COL18A1: variants seen among roughly 807,000 people sequenced by gnomAD.
The protein encoded by COL18A1 is collagen type XVIII alpha 1 chain.
COL18A1 carries 133 observed loss-of-function variants against 168.0 expected under a neutral mutation model. The ratio of observed to expected loss-of-function variants is 0.79; its 90% CI spans 0.69 to 0.91. COL18A1 has a LOEUF of 0.91. Ranked by LOEUF, COL18A1 falls within the 40% of genes least tolerant of loss-of-function variation. The pLI is 0.00. For missense variants in COL18A1, 2,126 were observed against 1,925.4 expected (o/e 1.10, Z -1.95); for synonymous variants, 949 against 809.0 (o/e 1.17, Z -2.94).
intron 29 of COL18A1, chr21:45,495,635 CAT>C (rs2146003871): frequency 1.0e-5 from 6 of 587,460 alleles, no homozygotes; most frequent in East Asian, 3.0e-5. Flanking sequence ...CATGCATGCA[CAT>C]ATATGGCCGT....
chr21:45,455,061 G>A lies in COL18A1; in HGVS notation c.107-13181G>A, dbSNP rs539335718. Reference sequence around the variant, plus strand: ...ACTGCAGCAAGCTGAGCATTTTTTCGGTTCCAAGTTTCCCACAACACAATG... The same window carrying A: ...ACTGCAGCAAGCTGAGCATTTTTTCAGTTCCAAGTTTCCCACAACACAATG... On this transcript the variant is annotated intron_variant, in intron 2 of 41. Transcript: ENST00000651438. 2.6e-5 allele frequency among the ~76,000 whole-genome samples: 4 copies of A among 152,322 alleles called. No homozygotes were observed. In the South Asian group the frequency reaches 6.2e-4, roughly 24 times the overall value.
At chr21:45,505,486 G>C in intron 36 of COL18A1, 55 bp downstream of exon 36, 1 of 907,908 alleles carries the variant, frequency 1.1e-6, no homozygotes, top group Non-Finnish European at 1.8e-6. Flanking sequence ...GGCTGGTTCT[G>C]CAGCCCCTGC....
chr21:45,499,221 T>A (rs1000100726), intron 32 of COL18A1, among the ~76,000 whole-genome samples: 1 of 152,150 alleles, frequency 6.6e-6, no homozygotes. Context: ...AGAACGAGGA[T>A]GACATGCAGG....
intron 30 of COL18A1, among the ~76,000 whole-genome samples, chr21:45,496,826 C>T (rs1246859278): frequency 6.6e-6 from 1 of 152,236 alleles, no homozygotes; most frequent in South Asian, 2.1e-4. Context: ...GGGGCACCCC[C>T]ATTTTCCCAG....
chr21:45,448,726 C>G (rs1044045221), intron 2 of COL18A1, among the ~76,000 whole-genome samples: 1 of 152,238 alleles, frequency 6.6e-6, no homozygotes, highest in Non-Finnish European at 1.5e-5. Context: ...GTGAACAGGT[C>G]GTCTTCAGAT....
chr21:45,503,778 A>T (rs1333353702), intron 32 of COL18A1, among the ~76,000 whole-genome samples: 4 of 152,190 alleles, frequency 2.6e-5, no homozygotes, highest in African/African-American at 7.2e-5. Flanking sequence ...CTAAAACTTA[A>T]AGTATAATAA....
intron 2 of COL18A1, among the ~76,000 whole-genome samples, chr21:45,459,620 C>G (rs941058228): frequency 1.3e-5 from 2 of 152,210 alleles, no homozygotes; most frequent in African/African-American, 2.4e-5. Context: ...GGAGGGTGAA[C>G]CCTGTGGTCA....
intron 2 of COL18A1, among the ~76,000 whole-genome samples, chr21:45,412,988 G>A (rs1397856676): frequency 1.3e-5 from 2 of 152,194 alleles, no homozygotes; most frequent in African/African-American, 4.8e-5. Context: ...TCCGTGTCTT[G>A]GTCTCTAATC....
chr21:45,479,693 C>T (rs80185311), intron 9 of COL18A1, among the ~76,000 whole-genome samples: 27 of 152,236 alleles, frequency 1.8e-4, no homozygotes, highest in South Asian at 4.1e-4. Flanking sequence ...GGATGCTGCC[C>T]GCAGCTTCCC....
At position 45,473,749 on chromosome 21, in the gene COL18A1, C is replaced by T. The variant is rs1037125446; in HGVS notation, c.652-146C>T. The stretch of plus-strand genomic sequence containing the variant: ...TCTTCCTACCATGAGGCATACCGCA[C>T]CCCCAGGGAGGCTGCCCGAGACCCC... On this transcript the variant is annotated intron_variant, in intron 3 of 41. Coordinates refer to ENST00000651438, the MANE Select transcript of COL18A1 (RefSeq NM_001379500.1). This position sits in a 1 kb window ranked among gnomAD's most constrained non-coding sequence, Gnocchi z 4.0. 5.5e-6 allele frequency: 4 copies of T among 722,346 alleles called. No individual in the cohort carries two copies. In the Admixed American group the frequency reaches 8.1e-5, roughly 15 times the overall value. 44.7% of individuals were successfully genotyped at this position (722,346 alleles called of 1,614,324 possible).
intron 9 of COL18A1, 138 bp from the exon 10 acceptor site, chr21:45,479,764 G>A (rs9979601): frequency 7.5e-5 from 94 of 1,257,680 alleles, no homozygotes; most frequent in African/African-American, 6.2e-4. Flanking sequence ...TGGCGCCCTC[G>A]TACTTTCCGG....
intron 1 of COL18A1, 24 bp downstream of exon 1, chr21:45,405,265 G>C (rs1257010405): frequency 4.1e-6 from 2 of 489,192 alleles, no homozygotes; most frequent in East Asian, 4.0e-5. Context: ...TGCGGGCAGG[G>C]GTTGGGGGAC....
At chr21:45,500,378 G>A (rs1268074478) in intron 32 of COL18A1, among the ~76,000 whole-genome samples, 1 of 136,872 alleles carries the variant, frequency 7.3e-6, no homozygotes, top group Non-Finnish European at 1.6e-5. Context: ...TGAGGGGGTG[G>A]GGGTGTGTGG....
chr21:45,461,108 A>G (rs758511515), intron 2 of COL18A1, among the ~76,000 whole-genome samples: 3 of 152,204 alleles, frequency 2.0e-5, no homozygotes, highest in Non-Finnish European at 4.4e-5. Flanking sequence ...GCCATATGCG[A>G]TACAGTATTC....
chr21:45,477,422 C>G lies in COL18A1; in HGVS notation c.940C>G (p.Pro314Ala), dbSNP rs1407798036. The change falls in exon 7 of 42, where the codon CCT becomes GCT. Residue 314 changes from proline (P) to alanine (A), a missense_variant. Pro to Ala is a conservative substitution (Grantham distance 27). Coordinates refer to ENST00000651438, the MANE Select transcript of COL18A1 (RefSeq NM_001379500.1). ...GCTTCTCTTCCCAGCTCAGACACTTCCTGGCTCAGATTCTGTCTCCACGTG... is the reference window on the plus strand; with the variant it reads ...GCTTCTCTTCCCAGCTCAGACACTTGCTGGCTCAGATTCTGTCTCCACGTG... ...TVASLGAQTL[P>A]GSDSVSTWDG... is the part of the protein sequence containing the mutation. The G allele has an allele frequency of 6.2e-7, 1 of 1,612,958 alleles. No homozygotes were observed. The highest frequency in any genetic ancestry group is 8.5e-7 in the Non-Finnish European group (1 of 1,179,590).
intron 2 of COL18A1, among the ~76,000 whole-genome samples, chr21:45,450,235 G>T (rs2034591061): frequency 6.6e-6 from 1 of 152,180 alleles, no homozygotes; most frequent in Non-Finnish European, 1.5e-5. Context: ...GACATTCTGG[G>T]CTCGGGCGAG....
chr21:45,487,030 G>C (rs1219861187), intron 16 of COL18A1, 38 bp downstream of exon 16: 3 of 1,482,142 alleles, frequency 2.0e-6, no homozygotes, highest in Admixed American at 4.8e-5. Flanking sequence ...GGAGAGCCGG[G>C]GGCTGCCGTT....
rs116416605 is a variant in COL18A1 at position 45,507,348 on chromosome 21, G to A, written c.3217-213G>A. On this transcript the variant is annotated intron_variant, in intron 37 of 41. Coordinates refer to ENST00000651438, the MANE Select transcript of COL18A1 (RefSeq NM_001379500.1). ...CTGGCAGGGCCGGGTGCTGGGCAGG[G>A]AGGGCACCCTGCTGTGGACTGGGAG... 72,542 of 622,028 alleles carry A rather than the reference G, an allele frequency of 0.12. 4,393 individuals carry two copies. Among genetic ancestry groups the A allele is most frequent in the Admixed American group, 0.16 (6,559 of 40,496 alleles). 38.5% of individuals were successfully genotyped at this position (622,028 alleles called of 1,614,324 possible). A position where few individuals can be genotyped will look rare whatever the true frequency, so the allele number is the denominator to read the frequency against.
intron 2 of COL18A1, among the ~76,000 whole-genome samples, chr21:45,452,532 ATG>A (rs1015352515): frequency 1.3e-5 from 2 of 150,942 alleles, no homozygotes; most frequent in Non-Finnish European, 2.9e-5. Flanking sequence ...GCATGTACAT[ATG>A]TGATTGTGTA....
Sources: gnomAD v4.1 joint callset for allele counts (sites outside exome capture counted in the v4.1 genomes callset) on GRCh38, gnomAD v4.1.1 for gene constraint, Gnocchi (gnomAD v3.1) non-coding constraint, MANE v1.5 for transcripts, NCBI Gene and HGNC (gene_info 2026-07-23, HGNC 2026-07-21) for gene names.